Variants in EYA1 observed in about 807,000 individuals in gnomAD.
The protein encoded by EYA1 is EYA transcriptional coactivator and phosphatase 1, also known as protein phosphatase EYA1.
In EYA1, 16 loss-of-function variants were observed where a neutral mutation model predicts 82.0. The observed-to-expected ratio is 0.20, with a 90% CI of 0.13 to 0.30. The LOEUF (loss-of-function observed/expected upper bound fraction) is 0.30, where lower values mean the gene tolerates loss of function less well. Among genes scored for constraint, EYA1 ranks in the 10% least tolerant of loss-of-function variants. The pLI is 1.00. For missense variants in EYA1, 633 were observed against 730.7 expected, an observed-to-expected ratio of 0.87 and a Z score of 1.54; for synonymous variants, 261 against 264.4, an observed-to-expected ratio of 0.99 and a Z score of 0.12.
chr8:71,275,726 C>T (rs1173702741), intron 9 of EYA1, among the ~76,000 whole-genome samples: 5 of 152,106 alleles, frequency 3.3e-5, no homozygotes, highest in Non-Finnish European at 7.4e-5. Flanking sequence ...AGTCAAGAGG[C>T]ATTTGGTCTA....
chr8:71,359,292 G>T (rs981181324), intron 1 of EYA1, among the ~76,000 whole-genome samples: 1 of 151,912 alleles, frequency 6.6e-6, no homozygotes, highest in South Asian at 2.1e-4. Flanking sequence ...TATTCAATTT[G>T]TCTCTCTCAT....
intron 2 of EYA1, among the ~76,000 whole-genome samples, chr8:71,485,899 TTA>T (rs1415134294): frequency 3.3e-5 from 5 of 152,132 alleles, no homozygotes; most frequent in African/African-American, 9.7e-5. Flanking sequence ...TAAAAAAAAG[TTA>T]TGTTTGATGT....
At chr8:71,390,264 G>A (rs1361161499) in intron 2 of EYA1, among the ~76,000 whole-genome samples, 1 of 151,136 alleles carries the variant, frequency 6.6e-6, no homozygotes, top group Non-Finnish European at 1.5e-5. Context: ...AGTGAAATTG[G>A]ATAATTCTTT....
At chr8:71,270,572 T>C (rs1816400822) in intron 10 of EYA1, among the ~76,000 whole-genome samples, 1 of 152,198 alleles carries the variant, frequency 6.6e-6, no homozygotes, top group Non-Finnish European at 1.5e-5. Flanking sequence ...TTCATATACA[T>C]AGATTCTGCT....
At chr8:71,199,867 GT>G (rs1024475941) in intron 17 of EYA1, 4 of 176,884 alleles carry the variant, frequency 2.3e-5, no homozygotes, top group Admixed American at 1.7e-4. Context: ...ATATGAAGCA[GT>G]TTTTTTTCCA....
intron 2 of EYA1, among the ~76,000 whole-genome samples, chr8:71,460,439 G>T (rs1808278146): frequency 6.6e-6 from 1 of 152,172 alleles, no homozygotes; most frequent in Non-Finnish European, 1.5e-5. Flanking sequence ...TGTCTGGAGT[G>T]GGGAGAATAT....
intron 1 of EYA1, 86 bp from the exon 2 acceptor site, chr8:71,356,597 C>G (rs1356467312): frequency 6.2e-6 from 9 of 1,459,816 alleles, no homozygotes; most frequent in South Asian, 4.5e-5. Context: ...TGGCTGAGAA[C>G]GACAATGCTC....
At position 71,445,102 on chromosome 8, in the gene EYA1, T is replaced by G. The variant is rs1242719576; in HGVS notation, c.34-88591A>C. On this transcript the variant is annotated intron_variant, in intron 2 of 18. Coordinates refer to the EYA1 transcript ENST00000643681. ...TTTGTATTGCTTTATGTTATGTTAT[T>G]TTATTTTATTTTTTAGTGTGTATGT... 2.6e-5 allele frequency among the ~76,000 whole-genome samples: 4 copies of G among 152,210 alleles called. No homozygotes were observed. The South Asian group carries it at 6.2e-4, about 24-fold the overall frequency.
chr8:71,362,296 A>AG, upstream of EYA1: 1 of 780,546 alleles, frequency 1.3e-6, no homozygotes, highest in East Asian at 1.3e-4. Context: ...AAAAAAAAAA[A>AG]ATTATGTAAA....
At chr8:71,465,947 A>G (rs1241509196) in intron 2 of EYA1, among the ~76,000 whole-genome samples, 2 of 152,240 alleles carry the variant, frequency 1.3e-5, no homozygotes, top group Non-Finnish European at 2.9e-5. Context: ...TCTACAAAAC[A>G]AAACAAATGG....
intron 11 of EYA1, among the ~76,000 whole-genome samples, chr8:71,261,285 A>C (rs1026639975): frequency 6.6e-6 from 1 of 152,230 alleles, no homozygotes; most frequent in Non-Finnish European, 1.5e-5. Flanking sequence ...GAGCAATATC[A>C]TCAATAAAAT....
intron 11 of EYA1, among the ~76,000 whole-genome samples, chr8:71,265,248 G>A (rs951894390): frequency 6.6e-6 from 1 of 151,872 alleles, no homozygotes; most frequent in African/African-American, 2.4e-5. Flanking sequence ...TAGACATGGT[G>A]CTGAGTATTT....
intron 12 of EYA1, among the ~76,000 whole-genome samples, chr8:71,232,303 C>T (rs755534055): frequency 1.7e-4 from 26 of 152,228 alleles, no homozygotes; most frequent in Non-Finnish European, 3.7e-4. Flanking sequence ...TCAGTCCAAG[C>T]GGCCTGAGAA....
At chr8:71,473,439 A>G (rs1286137275) in intron 2 of EYA1, among the ~76,000 whole-genome samples, 1 of 152,182 alleles carries the variant, frequency 6.6e-6, no homozygotes, top group African/African-American at 2.4e-5. Context: ...GCCAAAAAAC[A>G]TATGAAAAAA....
At chr8:71,349,958 G>C (rs954307044) in intron 3 of EYA1, among the ~76,000 whole-genome samples, 1 of 152,082 alleles carries the variant, frequency 6.6e-6, no homozygotes, top group East Asian at 1.9e-4. Context: ...ATACAACATA[G>C]GAAAATATTA....
chr8:71,304,363 T>C (rs1820506581), intron 7 of EYA1, among the ~76,000 whole-genome samples: 1 of 142,816 alleles, frequency 7.0e-6, no homozygotes, highest in South Asian at 2.3e-4. Flanking sequence ...GCTCCAGAAC[T>C]GACGCTCTTA....
intron 7 of EYA1, among the ~76,000 whole-genome samples, chr8:71,311,079 A>C (rs1246292390): frequency 6.6e-6 from 1 of 152,180 alleles, no homozygotes; most frequent in Non-Finnish European, 1.5e-5. Flanking sequence ...CAAATTGCTA[A>C]ACAAAATTTT....
chr8:71,241,726 T>C (rs1812500168), intron 12 of EYA1, among the ~76,000 whole-genome samples: 1 of 152,104 alleles, frequency 6.6e-6, no homozygotes, highest in Non-Finnish European at 1.5e-5. Flanking sequence ...TATCCATTGC[T>C]AGTTGGAGTG....
chr8:71,456,108 C>CA (rs201964298), intron 2 of EYA1, among the ~76,000 whole-genome samples: 7,806 of 152,082 alleles, frequency 0.051, 661 homozygotes, highest in African/African-American at 0.18. Flanking sequence ...TCTTATACAC[C>CA]AATAACAGAC....
Sources: allele counts gnomAD v4.1 joint callset (sites outside exome capture counted in the v4.1 genomes callset), GRCh38; gene constraint gnomAD v4.1.1; transcripts MANE v1.5; gene names NCBI Gene and HGNC (gene_info 2026-07-23, HGNC 2026-07-21).